Variants in SEMA3A observed in about 807,000 individuals in gnomAD.
SEMA3A encodes semaphorin-3A.
SEMA3A carries 29 observed loss-of-function variants against 97.9 expected under a neutral mutation model. That is an observed-to-expected ratio of 0.30 (90% CI 0.22 to 0.40). The LOEUF (loss-of-function observed/expected upper bound fraction) is 0.40, where lower values mean the gene tolerates loss of function less well. Ranked by LOEUF, SEMA3A falls within the 10% of genes least tolerant of loss-of-function variation. The pLI, the probability that SEMA3A is intolerant of heterozygous loss-of-function variation, is 1.00. For synonymous variants in SEMA3A, 321 were observed against 323.7 expected, an observed-to-expected ratio of 0.99 and a Z score of 0.09; for missense variants, 763 against 951.3, an observed-to-expected ratio of 0.80 and a Z score of 2.60.
At chr7:84,407,542 A>G (rs1804130990) in intron 1 of SEMA3A, among the ~76,000 whole-genome samples, 1 of 151,644 alleles carries the variant, frequency 6.6e-6, no homozygotes, top group Admixed American at 6.6e-5. Flanking sequence ...GGAAAAAACT[A>G]CTTTAAAGTT....
chr7:84,051,337 C>G (rs75654756), intron 5 of SEMA3A, among the ~76,000 whole-genome samples: 1 of 150,806 alleles, frequency 6.6e-6, no homozygotes, highest in Non-Finnish European at 1.5e-5. Context: ...TCTTCCTACC[C>G]ATGAGCATGG....
intron 1 of SEMA3A, among the ~76,000 whole-genome samples, chr7:84,475,760 G>A (rs1806266115): frequency 6.6e-6 from 1 of 152,092 alleles, no homozygotes; most frequent in Admixed American, 6.5e-5. Context: ...ACTACCTGTG[G>A]CACTTGTTTC....
rs1192200129 is a variant in SEMA3A at position 84,312,913 on chromosome 7, TATATATATACAC to T, written c.-168-5633_-168-5622del. On this transcript the variant is annotated intron_variant, in intron 2 of 3. Transcript: ENST00000424555. ...ATATATATATATATATATATATATATATATATATACACACACACACACACACACACGTACACA... is the reference window on the plus strand; with the variant it reads ...ATATATATATATATATATATATATATACACACACACACACACACGTACACA... Among the ~76,000 whole-genome samples the T allele has an allele frequency of 8.8e-3, 434 of 49,556 alleles. 4 individuals carry two copies. The highest frequency in any genetic ancestry group is 0.011 in the African/African-American group (201 of 17,618). 32.5% of individuals were successfully genotyped at this position (49,556 alleles called of 152,430 possible).
At chr7:84,160,565 T>A (rs563661578) in intron 1 of SEMA3A, among the ~76,000 whole-genome samples, 4 of 146,056 alleles carry the variant, frequency 2.7e-5, no homozygotes, top group Admixed American at 6.9e-5. Context: ...AAGAAATAAA[T>A]AAAAACAAAC....
chr7:84,424,628 T>G (rs1195634064), intron 1 of SEMA3A, among the ~76,000 whole-genome samples: 1 of 45,564 alleles, frequency 2.2e-5, no homozygotes, highest in South Asian at 6.2e-4. Context: ...ATATATAATA[T>G]ATATACAATA....
chr7:84,275,366 C>G (rs897181018), intron 3 of SEMA3A, among the ~76,000 whole-genome samples: 1 of 152,070 alleles, frequency 6.6e-6, no homozygotes, highest in Non-Finnish European at 1.5e-5. Flanking sequence ...AATACAATAT[C>G]AAATATTTGT....
chr7:84,213,247 G>A (rs1798675027), intron 3 of SEMA3A, among the ~76,000 whole-genome samples: 1 of 152,192 alleles, frequency 6.6e-6, no homozygotes, highest in African/African-American at 2.4e-5. Context: ...AAAGTGCTGG[G>A]ATTACAGGCG....
At chr7:84,351,172 G>A (rs200255964) in intron 2 of SEMA3A, among the ~76,000 whole-genome samples, 4 of 151,810 alleles carry the variant, frequency 2.6e-5, no homozygotes, top group East Asian at 1.9e-4. Context: ...TTCATTCATC[G>A]TGCTTATATA....
intron 1 of SEMA3A, among the ~76,000 whole-genome samples, chr7:84,186,265 C>T (rs1797882095): frequency 6.6e-6 from 1 of 152,078 alleles, no homozygotes; most frequent in African/African-American, 2.4e-5. Flanking sequence ...AAAAATTCTA[C>T]AATATTCACT....
At chr7:84,054,424 T>A (rs1792849766) in intron 5 of SEMA3A, among the ~76,000 whole-genome samples, 1 of 152,122 alleles carries the variant, frequency 6.6e-6, no homozygotes, top group Non-Finnish European at 1.5e-5. Context: ...TTTTATTCTT[T>A]TTTCTCTAAA....
intron 3 of SEMA3A, among the ~76,000 whole-genome samples, chr7:84,281,675 G>C (rs1800443036): frequency 6.6e-6 from 1 of 152,170 alleles, no homozygotes; most frequent in Admixed American, 6.6e-5. Context: ...CAAAAGAACA[G>C]ACTCTGTAGC....
At chr7:84,248,261 A>T (rs1239272965) in intron 3 of SEMA3A, among the ~76,000 whole-genome samples, 2 of 152,188 alleles carry the variant, frequency 1.3e-5, no homozygotes, top group Admixed American at 6.6e-5. Context: ...TGTCCTTTAA[A>T]GTGGCTGTTA....
chr7:84,029,478 T>G (rs960746585), intron 6 of SEMA3A, among the ~76,000 whole-genome samples: 9 of 152,194 alleles, frequency 5.9e-5, no homozygotes, highest in African/African-American at 2.2e-4. Flanking sequence ...TCTAGCTACT[T>G]TAACTATAAT....
At chr7:84,128,961 AG>A (rs1470549107) in intron 3 of SEMA3A, among the ~76,000 whole-genome samples, 161 bp downstream of exon 3, 11 of 152,152 alleles carry the variant, frequency 7.2e-5, no homozygotes, top group Non-Finnish European at 1.2e-4. Flanking sequence ...TTTTGCTTTT[AG>A]TATTGGGTTC....
intron 12 of SEMA3A, among the ~76,000 whole-genome samples, chr7:83,986,725 G>A (rs920836607): frequency 6.6e-6 from 1 of 152,112 alleles, no homozygotes; most frequent in African/African-American, 2.4e-5. Flanking sequence ...AGTGTGAAGA[G>A]CTGGACTCTG....
chr7:84,332,249 A>G (rs1040725650), intron 2 of SEMA3A, among the ~76,000 whole-genome samples: 1 of 152,138 alleles, frequency 6.6e-6, no homozygotes. Context: ...TCTAAGTCCC[A>G]ACGACTCATT....
chr7:84,407,136 G>A (rs924429739), intron 1 of SEMA3A, among the ~76,000 whole-genome samples: 1 of 152,268 alleles, frequency 6.6e-6, no homozygotes, highest in Non-Finnish European at 1.5e-5. Flanking sequence ...TGACATGATT[G>A]TATATCTGGA....
chr7:84,232,375 A>G lies in SEMA3A; in HGVS notation c.-82-37707T>C, dbSNP rs1007507583. 6.6e-5 allele frequency among the ~76,000 whole-genome samples: 10 copies of G among 150,964 alleles called. No homozygotes were observed. In the East Asian group the frequency reaches 1.9e-3, roughly 29 times the overall value. On this transcript the variant is annotated intron_variant, in intron 3 of 3. Transcript: ENST00000424555. Reference sequence around the variant, plus strand: ...TTTCCAAACAGAAATTGACAGGCTCATGACTAGAATAACAGATTTTAATAT... The same window carrying G: ...TTTCCAAACAGAAATTGACAGGCTCGTGACTAGAATAACAGATTTTAATAT...
chr7:84,442,175 T>C (rs1170820810), intron 1 of SEMA3A, among the ~76,000 whole-genome samples: 1 of 152,192 alleles, frequency 6.6e-6, no homozygotes, highest in Non-Finnish European at 1.5e-5. Context: ...AATTACAAAA[T>C]TATGTATTTG....
Sources: allele counts gnomAD v4.1 joint callset (sites outside exome capture counted in the v4.1 genomes callset), GRCh38; gene constraint gnomAD v4.1.1; transcripts MANE v1.5; gene names NCBI Gene and HGNC (gene_info 2026-07-23, HGNC 2026-07-21).